PLVAP: variants seen among roughly 807,000 people sequenced by gnomAD.
PLVAP encodes plasmalemma vesicle associated protein.
A neutral mutation model predicts 43.1 loss-of-function variants in PLVAP; 34 were observed. The ratio of observed to expected loss-of-function variants is 0.79; its 90% CI spans 0.60 to 1.05. The LOEUF (loss-of-function observed/expected upper bound fraction) is 1.05, where lower values mean the gene tolerates loss of function less well. Among genes scored for constraint, PLVAP ranks in the 50% least tolerant of loss-of-function variants. PLVAP has a pLI of 0.00. For missense variants in PLVAP, 574 were observed against 593.4 expected (o/e 0.97, Z 0.34); for synonymous variants, 241 against 237.3 (o/e 1.02, Z -0.14).
At chr19:17,372,588 C>A (rs1208808720) in intron 1 of PLVAP, among the ~76,000 whole-genome samples, 1 of 149,344 alleles carries the variant, frequency 6.7e-6, no homozygotes, top group Non-Finnish European at 1.5e-5. Context: ...TCCCGAGTAG[C>A]TGGGACTACA....
rs150102594 is a variant in PLVAP at position 17,363,185 on chromosome 19, C to T, written c.1179+2101G>A. 6.4e-3 allele frequency among the ~76,000 whole-genome samples: 971 copies of T among 152,124 alleles called. 5 individuals carry two copies. Among genetic ancestry groups the T allele is most frequent in the Non-Finnish European group, 0.01 (686 of 67,990 alleles). ...AGGTTTGGGTTTCTTTTTTTTGAGA[C>T]GGAGTCTTGCTGTGTCACCCAGGCT... On this transcript the variant is annotated intron_variant, in intron 3 of 5. Transcript: ENST00000252590.
intron 1 of PLVAP, among the ~76,000 whole-genome samples, chr19:17,372,845 G>A (rs1231476190): frequency 5.3e-5 from 8 of 149,588 alleles, no homozygotes; most frequent in Admixed American, 3.3e-4. Context: ...GGCGGATCAC[G>A]AGGTCAGGAA....
chr19:17,358,343 C>T (rs562583982), intron 5 of PLVAP, among the ~76,000 whole-genome samples: 19 of 151,652 alleles, frequency 1.3e-4, no homozygotes, highest in Non-Finnish European at 2.4e-4. Context: ...GCAAAGCTTT[C>T]GGAAATCTAC....
At chr19:17,361,146 C>T (rs1396304305) in intron 3 of PLVAP, among the ~76,000 whole-genome samples, 2 of 152,006 alleles carry the variant, frequency 1.3e-5, no homozygotes, top group Non-Finnish European at 2.9e-5. Context: ...GAACTCCTGA[C>T]CTCAGGTGAT....
chr19:17,373,159 T>A (rs1003045450), intron 1 of PLVAP, among the ~76,000 whole-genome samples: 2 of 142,790 alleles, frequency 1.4e-5, no homozygotes, highest in Non-Finnish European at 3.0e-5. Context: ...AATCTGAGGA[T>A]CTAAGGGGCA....
intron 1 of PLVAP, among the ~76,000 whole-genome samples, chr19:17,375,433 A>G (rs965456331): frequency 1.3e-5 from 2 of 152,160 alleles, no homozygotes; most frequent in African/African-American, 2.4e-5. Context: ...TTATATCTCA[A>G]ATATTGCATG....
chr19:17,360,758 C>T lies in PLVAP; in HGVS notation c.1240+14G>A. ...GGGCCCCTCCCCTACTTGGCTCTGTCTTTTGTCACTCACCGATGGGCTGGG... is the reference window on the plus strand; with the variant it reads ...GGGCCCCTCCCCTACTTGGCTCTGTTTTTTGTCACTCACCGATGGGCTGGG... On this transcript the variant is annotated intron_variant, in intron 4 of 5. Coordinates refer to ENST00000252590, the MANE Select transcript of PLVAP (RefSeq NM_031310.3). 6.2e-7 allele frequency: 1 copy of T among 1,612,252 alleles called. No individual in the cohort carries two copies. The highest frequency in any genetic ancestry group is 8.5e-7 in the Non-Finnish European group (1 of 1,178,326).
chr19:17,367,562 C>G (rs2074555432), intron 1 of PLVAP, among the ~76,000 whole-genome samples: 2 of 151,834 alleles, frequency 1.3e-5, no homozygotes, highest in African/African-American at 4.8e-5. Context: ...CTAATCTTTG[C>G]ATTTTTAGTA....
intron 5 of PLVAP, among the ~76,000 whole-genome samples, chr19:17,357,662 T>A (rs1320742568): frequency 6.6e-6 from 1 of 151,962 alleles, no homozygotes; most frequent in Non-Finnish European, 1.5e-5. Flanking sequence ...AGACCCTGTC[T>A]CGAAAAAAAT....
intron 1 of PLVAP, among the ~76,000 whole-genome samples, chr19:17,375,880 C>CA (rs35375080): frequency 0.42 from 55,808 of 132,560 alleles, 11,592 homozygotes; most frequent in Non-Finnish European, 0.47. Context: ...GACTCCGTCT[C>CA]AAAAAAAAAA....
In PLVAP at chr19:17,372,350, A is replaced by C. The variant is rs560409098; in HGVS notation, c.369+4570T>G. On this transcript the variant is annotated intron_variant, in intron 1 of 5. Transcript: ENST00000252590. ...CTTGAACCCGGGAGGCAGAGGTTGT[A>C]GGGAGCTGAGATTGCGCCACTGCAA... Among the ~76,000 whole-genome samples the C allele has an allele frequency of 5.5e-4, 83 of 150,952 alleles. 1 individual carries two copies. In the South Asian group the frequency reaches 0.016, roughly 30 times the overall value.
intron 3 of PLVAP, among the ~76,000 whole-genome samples, chr19:17,364,285 C>T (rs181458838): frequency 7.2e-4 from 109 of 152,112 alleles, no homozygotes; most frequent in African/African-American, 2.3e-3. Context: ...GAGGTTTCAC[C>T]GTGTTGCCCA....
At chr19:17,371,349 C>A (rs1032690331) in intron 1 of PLVAP, among the ~76,000 whole-genome samples, 1 of 151,390 alleles carries the variant, frequency 6.6e-6, no homozygotes, top group Non-Finnish European at 1.5e-5. Flanking sequence ...TTAGTAGAGA[C>A]GGGGTTGCAC....
At chr19:17,360,381 C>T (rs377345349) in intron 5 of PLVAP, 147 bp downstream of exon 5, 16 of 793,622 alleles carry the variant, frequency 2.0e-5, no homozygotes, top group South Asian at 1.1e-4. Context: ...GTGTCCCTCA[C>T]GCCCAACCAT....
intron 1 of PLVAP, among the ~76,000 whole-genome samples, chr19:17,370,021 A>AAG (rs2145725324): frequency 7.0e-6 from 1 of 142,194 alleles, no homozygotes; most frequent in African/African-American, 2.5e-5. Flanking sequence ...AAAAAAAAAA[A>AAG]AAAAAGAAAG....
At chr19:17,358,783 C>T (rs2074516277) in intron 5 of PLVAP, among the ~76,000 whole-genome samples, 1 of 150,652 alleles carries the variant, frequency 6.6e-6, no homozygotes, top group Non-Finnish European at 1.5e-5. Context: ...CATTTCCAGG[C>T]CCTTGACTTC....
In PLVAP at chr19:17,352,324, A is replaced by G. The variant is rs769178076; in HGVS notation, c.*38T>C. 8.7e-6 allele frequency: 14 copies of G among 1,612,856 alleles called. No homozygotes were observed. The highest frequency in any genetic ancestry group is 1.7e-5 in the Admixed American group (1 of 60,002). ...TCCCTGCATCCTCCGCAAACCGCCGAGTCGGGCCATCCCTTGGTCCTCAGG... is the reference window on the plus strand; with the variant it reads ...TCCCTGCATCCTCCGCAAACCGCCGGGTCGGGCCATCCCTTGGTCCTCAGG... On this transcript the variant is annotated 3_prime_UTR_variant, in exon 6 of 6. Transcript: ENST00000252590.
rs1450010271 is a variant in PLVAP at position 17,352,114 on chromosome 19, A to G, written c.*248T>C. The G allele has an allele frequency of 9.0e-6, 5 of 556,486 alleles. No homozygotes were observed. The highest frequency in any genetic ancestry group is 2.9e-5 in the Admixed American group (1 of 34,102). 34.5% of individuals were successfully genotyped at this position (556,486 alleles called of 1,614,324 possible). On this transcript the variant is annotated 3_prime_UTR_variant, in exon 6 of 6. Coordinates refer to ENST00000252590, the MANE Select transcript of PLVAP (RefSeq NM_031310.3). ...CACGTGACGCCATCACCACGGTGAT[A>G]TGTGACGTCAGCGCCGTTGCTTGCG...
Position 17,352,273 on chromosome 19 carries a change from G to A in PLVAP, c.*89C>T. ...CTGGGTGGTTGGGGGCGGCGGGAGG[G>A]GGTTGTGTCGGGCGCTGTGAGCATA... On this transcript the variant is annotated 3_prime_UTR_variant, in exon 6 of 6. Coordinates refer to ENST00000252590, the MANE Select transcript of PLVAP (RefSeq NM_031310.3). The A allele has an allele frequency of 2.6e-6, 4 of 1,550,586 alleles. No homozygotes were observed. The South Asian group carries it at 3.3e-5, about 13-fold the overall frequency.
Sources: allele counts gnomAD v4.1 joint callset (sites outside exome capture counted in the v4.1 genomes callset), GRCh38; gene constraint gnomAD v4.1.1; transcripts MANE v1.5; gene names NCBI Gene and HGNC (gene_info 2026-07-23, HGNC 2026-07-21).